Variants in CHRM3 observed in about 807,000 individuals in gnomAD.
The protein encoded by CHRM3 is muscarinic acetylcholine receptor M3.
A neutral mutation model predicts 41.8 loss-of-function variants in CHRM3; 11 were observed. The observed-to-expected ratio is 0.26, with a 90% CI of 0.17 to 0.44. The LOEUF is 0.44. CHRM3 is among the 20% of genes least tolerant of loss of function. CHRM3 has a pLI of 1.00. For missense variants in CHRM3, 571 were observed against 745.4 expected (o/e 0.77, Z 2.72); for synonymous variants, 297 against 301.4 (o/e 0.99, Z 0.15).
chr1:239,532,046 C>T (rs1201611139), intron 2 of CHRM3, among the ~76,000 whole-genome samples: 6 of 107,470 alleles, frequency 5.6e-5, no homozygotes, highest in Non-Finnish European at 7.4e-5. Flanking sequence ...GGAGTCTTGC[C>T]CTGTCTCCCA....
chr1:239,637,517 CTTTTTTTTTTTTT>C (rs149963225), intron 4 of CHRM3, among the ~76,000 whole-genome samples: 1 of 48,514 alleles, frequency 2.1e-5, no homozygotes, highest in Non-Finnish European at 3.5e-5. Context: ...TCATCAAAGT[CTTTTTTTTTTTTT>C]TTTTTTTTTT....
chr1:239,603,489 G>C (rs1034039812), intron 3 of CHRM3, among the ~76,000 whole-genome samples: 1 of 152,022 alleles, frequency 6.6e-6, no homozygotes, highest in Non-Finnish European at 1.5e-5. Flanking sequence ...TCTCACCTGG[G>C]GATGGTGTTC....
chr1:239,746,111 C>T (rs1328400592), intron 5 of CHRM3, among the ~76,000 whole-genome samples: 1 of 152,162 alleles, frequency 6.6e-6, no homozygotes, highest in Non-Finnish European at 1.5e-5. Context: ...AATGACATTA[C>T]CTACATAATG....
chr1:239,675,321 T>C (rs1657885003), intron 4 of CHRM3, among the ~76,000 whole-genome samples: 2 of 152,238 alleles, frequency 1.3e-5, no homozygotes, highest in Non-Finnish European at 2.9e-5. Flanking sequence ...TCTCAGAGAC[T>C]TTTTGACTTG....
At chr1:239,402,133 C>T (rs763834131) in intron 1 of CHRM3, among the ~76,000 whole-genome samples, 14 of 152,080 alleles carry the variant, frequency 9.2e-5, no homozygotes, top group Non-Finnish European at 1.6e-4. Flanking sequence ...CCATCAGGCA[C>T]CTCTAATGTA....
At chr1:239,880,616 T>G (rs1245589744) in intron 6 of CHRM3, among the ~76,000 whole-genome samples, 1 of 152,176 alleles carries the variant, frequency 6.6e-6, no homozygotes, top group Non-Finnish European at 1.5e-5. Flanking sequence ...CTCAGCCTCC[T>G]GAGTAGCTCG....
At chr1:239,618,284 T>TC (rs1189332348) in intron 3 of CHRM3, among the ~76,000 whole-genome samples, 1 of 142,314 alleles carries the variant, frequency 7.0e-6, no homozygotes, top group Non-Finnish European at 1.5e-5. Flanking sequence ...TTTCTTTTTT[T>TC]TTTTTTTTTT....
At chr1:239,591,260 T>G (rs1664119585) in intron 3 of CHRM3, among the ~76,000 whole-genome samples, 1 of 152,094 alleles carries the variant, frequency 6.6e-6, no homozygotes, top group South Asian at 2.1e-4. Flanking sequence ...GGGTCAAGCT[T>G]CTCTCCTGTG....
intron 6 of CHRM3, among the ~76,000 whole-genome samples, chr1:239,846,365 A>G (rs1674262941): frequency 6.6e-6 from 1 of 152,218 alleles, no homozygotes. Flanking sequence ...GTAGGCATCT[A>G]CTAATTTGTT....
chr1:239,431,955 T>C (rs1441085978), intron 1 of CHRM3, among the ~76,000 whole-genome samples: 1 of 152,112 alleles, frequency 6.6e-6, no homozygotes, highest in Non-Finnish European at 1.5e-5. Flanking sequence ...GCTGTGAGTA[T>C]AGAGTAGGAA....
At chr1:239,498,107 G>T (rs1451419584) in intron 2 of CHRM3, among the ~76,000 whole-genome samples, 2 of 152,066 alleles carry the variant, frequency 1.3e-5, no homozygotes, top group Non-Finnish European at 2.9e-5. Flanking sequence ...TCCTAGTAGC[G>T]GGAACTGACA....
intron 1 of CHRM3, among the ~76,000 whole-genome samples, chr1:239,445,757 A>G (rs535999396): frequency 3.3e-5 from 5 of 152,252 alleles, no homozygotes; most frequent in Admixed American, 3.3e-4. Flanking sequence ...TACTATCATC[A>G]TCCATCCATT....
At chr1:239,450,490 C>T (rs1664482730) in intron 1 of CHRM3, among the ~76,000 whole-genome samples, 1 of 152,124 alleles carries the variant, frequency 6.6e-6, no homozygotes, top group African/African-American at 2.4e-5. Context: ...ATTTTCAGAT[C>T]TTCATAGTAG....
intron 3 of CHRM3, among the ~76,000 whole-genome samples, chr1:239,590,571 A>C (rs1664017710): frequency 6.6e-6 from 1 of 152,206 alleles, no homozygotes; most frequent in East Asian, 1.9e-4. Flanking sequence ...TAAAAAAATT[A>C]GAGATTAAAA....
At chr1:239,741,399 T>C (rs563720534) in intron 5 of CHRM3, among the ~76,000 whole-genome samples, 8 of 152,258 alleles carry the variant, frequency 5.3e-5, no homozygotes. Context: ...AGGGTGGACA[T>C]TTCTCACATG....
intron 5 of CHRM3, among the ~76,000 whole-genome samples, chr1:239,738,172 G>A (rs1467314740): frequency 1.3e-5 from 2 of 152,126 alleles, no homozygotes; most frequent in Admixed American, 6.6e-5. Flanking sequence ...ACATCAATAT[G>A]ACTAAATTTT....
intron 3 of CHRM3, among the ~76,000 whole-genome samples, chr1:239,608,033 C>G (rs185869171): frequency 1.3e-5 from 2 of 152,174 alleles, no homozygotes; most frequent in African/African-American, 4.8e-5. Flanking sequence ...AAGCAATGCC[C>G]AAGTATTTAT....
chr1:239,863,210 A>G (rs760145326), intron 6 of CHRM3, among the ~76,000 whole-genome samples: 1 of 152,184 alleles, frequency 6.6e-6, no homozygotes, highest in Non-Finnish European at 1.5e-5. Flanking sequence ...AGAAAGAGAC[A>G]CCCTGAATAT....
At chr1:239,469,774 C>T (rs965421567) in intron 1 of CHRM3, among the ~76,000 whole-genome samples, 21 of 152,220 alleles carry the variant, frequency 1.4e-4, no homozygotes, top group African/African-American at 5.1e-4. Flanking sequence ...CCAGGGTGGT[C>T]CCAAGTTCCT....
Sources: allele counts gnomAD v4.1 joint callset (sites outside exome capture counted in the v4.1 genomes callset), GRCh38; gene constraint gnomAD v4.1.1; transcripts MANE v1.5; gene names NCBI Gene and HGNC (gene_info 2026-07-23, HGNC 2026-07-21).